FGF12: variants seen among roughly 807,000 people sequenced by gnomAD.
FGF12 encodes fibroblast growth factor 12.
FGF12 carries 14 observed loss-of-function variants against 23.6 expected under a neutral mutation model. The ratio of observed to expected loss-of-function variants is 0.59; its 90% CI spans 0.39 to 0.93. FGF12 has a LOEUF of 0.93. FGF12 is among the 40% of genes least tolerant of loss of function. The pLI is 0.00. For missense variants in FGF12, 175 were observed against 217.8 expected (o/e 0.80, Z 1.24); for synonymous variants, 62 against 77.3 (o/e 0.80, Z 1.04).
chr3:192,275,935 C>A (rs72607871), intron 4 of FGF12, among the ~76,000 whole-genome samples: 54,159 of 151,930 alleles, frequency 0.36, 10,753 homozygotes, highest in East Asian at 0.9. Context: ...GAACCCCTTT[C>A]CCTGTAATCT....
chr3:192,363,645 G>A (rs997771484), intron 2 of FGF12, among the ~76,000 whole-genome samples: 2 of 152,132 alleles, frequency 1.3e-5, no homozygotes, highest in African/African-American at 2.4e-5. Context: ...CATCTTGTAT[G>A]TCTATTACCA....
chr3:192,249,746 T>C (rs1711874971), intron 4 of FGF12, among the ~76,000 whole-genome samples: 1 of 152,174 alleles, frequency 6.6e-6, no homozygotes, highest in Non-Finnish European at 1.5e-5. Context: ...GCACTTTGCC[T>C]ACTGTCAGAC....
chr3:192,167,163 CAAAAAAAA>C (rs35097529), intron 5 of FGF12, among the ~76,000 whole-genome samples: 1 of 108,086 alleles, frequency 9.3e-6, no homozygotes, highest in Non-Finnish European at 1.9e-5. Context: ...ATATGGCTAT[CAAAAAAAA>C]AAAAAAAAAA....
chr3:192,211,096 C>T (rs1171169648), intron 4 of FGF12, among the ~76,000 whole-genome samples: 1 of 152,058 alleles, frequency 6.6e-6, no homozygotes, highest in Non-Finnish European at 1.5e-5. Context: ...ATTCCCACCA[C>T]TAAGGAGGAT....
intron 2 of FGF12, among the ~76,000 whole-genome samples, chr3:192,635,807 T>C (rs889340069): frequency 6.6e-6 from 1 of 152,206 alleles, no homozygotes; most frequent in Non-Finnish European, 1.5e-5. Context: ...TGAAGTTCTA[T>C]GGAGAAGTCT....
chr3:192,709,655 A>G (rs1424664307), intron 2 of FGF12, among the ~76,000 whole-genome samples: 2 of 152,232 alleles, frequency 1.3e-5, no homozygotes, highest in African/African-American at 4.8e-5. Context: ...AGACTCTATT[A>G]TGGTGCTGGG....
At chr3:192,236,176 T>G (rs930102924) in intron 4 of FGF12, among the ~76,000 whole-genome samples, 2 of 152,102 alleles carry the variant, frequency 1.3e-5, no homozygotes, top group African/African-American at 4.8e-5. Flanking sequence ...TTTGAGAGAT[T>G]TTCTTGGTAT....
At chr3:192,190,404 TTC>T (rs1312130031) in intron 4 of FGF12, among the ~76,000 whole-genome samples, 1 of 151,936 alleles carries the variant, frequency 6.6e-6, no homozygotes, top group Admixed American at 6.6e-5. Context: ...AGCTACAATA[TTC>T]TTTTTATATA....
chr3:192,573,792 G>A (rs2108607804), intron 2 of FGF12, among the ~76,000 whole-genome samples: 1 of 152,280 alleles, frequency 6.6e-6, no homozygotes, highest in South Asian at 2.1e-4. Context: ...CATTTCAAAA[G>A]CGGTCTGAGT....
chr3:192,660,519 A>G (rs539125467), intron 2 of FGF12, among the ~76,000 whole-genome samples: 3 of 152,188 alleles, frequency 2.0e-5, no homozygotes, highest in South Asian at 2.1e-4. Context: ...AAAAAAAAAA[A>G]AAAGAAAGAA....
chr3:192,558,498 G>A (rs576682052), intron 2 of FGF12, among the ~76,000 whole-genome samples: 6 of 151,762 alleles, frequency 4.0e-5, no homozygotes, highest in South Asian at 2.1e-4. Flanking sequence ...CTAAAATGTC[G>A]AGACCACCCA....
At chr3:192,187,889 C>T (rs1716563033) in intron 4 of FGF12, among the ~76,000 whole-genome samples, 1 of 152,116 alleles carries the variant, frequency 6.6e-6, no homozygotes, top group African/African-American at 2.4e-5. Context: ...TTTTCCTCGA[C>T]ATGGGGGGTC....
intron 4 of FGF12, among the ~76,000 whole-genome samples, chr3:192,240,745 C>T (rs930333737): frequency 2.0e-5 from 3 of 152,104 alleles, no homozygotes; most frequent in African/African-American, 2.4e-5. Flanking sequence ...ACATATCTCC[C>T]CCCAATTTCT....
At chr3:192,717,124 G>T (rs1560204263) in intron 2 of FGF12, among the ~76,000 whole-genome samples, 1 of 152,134 alleles carries the variant, frequency 6.6e-6, no homozygotes, top group Non-Finnish European at 1.5e-5. Flanking sequence ...GTATTCTGAA[G>T]GTTAATAAAA....
In FGF12 at chr3:192,608,459, A is replaced by G. The variant is rs372641498; in HGVS notation, c.13+118722T>C. On this transcript the variant is annotated intron_variant, in intron 2 of 5. Transcript: ENST00000445105. ...TATACCTACAAAAATTAAAAATTAA[A>G]AAAGGAGAGGAATATGTACCAAATT... Among the ~76,000 whole-genome samples the G allele has an allele frequency of 6.4e-4, 98 of 152,276 alleles. 7 individuals are homozygous for G. In the South Asian group the frequency reaches 0.02, roughly 31 times the overall value.
At chr3:192,381,786 A>AT in intron 2 of FGF12, among the ~76,000 whole-genome samples, 1 of 152,064 alleles carries the variant, frequency 6.6e-6, no homozygotes. Context: ...TTTTTGGTGA[A>AT]TTTTTTTGGT....
At chr3:192,655,912 C>G (rs1039288061) in intron 2 of FGF12, among the ~76,000 whole-genome samples, 15 of 151,668 alleles carry the variant, frequency 9.9e-5, no homozygotes, top group Admixed American at 7.2e-4. Flanking sequence ...AGCGAAAGGT[C>G]AGTGAAGCCA....
In FGF12 at chr3:192,285,017, C is replaced by T. The variant is rs146794439; in HGVS notation, c.228+50344G>A. 2.1e-4 allele frequency among the ~76,000 whole-genome samples: 32 copies of T among 152,098 alleles called. No homozygotes were observed. In the East Asian group the frequency reaches 3.3e-3, roughly 16 times the overall value. On this transcript the variant is annotated intron_variant, in intron 4 of 5. Transcript: ENST00000445105. ...CACCAAGGTACAAGTACAGACATAG[C>T]CTTTATTCGGATACACATTACAGAG...
intron 4 of FGF12, among the ~76,000 whole-genome samples, chr3:192,254,979 A>T (rs549349219): frequency 6.6e-6 from 1 of 152,164 alleles, no homozygotes; most frequent in African/African-American, 2.4e-5. Context: ...AGGTCTAGAG[A>T]GATGAGAGGT....
Sources: allele counts gnomAD v4.1 joint callset (sites outside exome capture counted in the v4.1 genomes callset), GRCh38; gene constraint gnomAD v4.1.1; transcripts MANE v1.5; gene names NCBI Gene and HGNC (gene_info 2026-07-23, HGNC 2026-07-21).